ROR1: variants seen among roughly 807,000 people sequenced by gnomAD.
ROR1 encodes inactive tyrosine-protein kinase transmembrane receptor ROR1.
ROR1 carries 19 observed loss-of-function variants against 78.8 expected under a neutral mutation model. The observed-to-expected ratio is 0.24, with a 90% CI of 0.17 to 0.35. The LOEUF is 0.35. Ranked by LOEUF, ROR1 falls within the 10% of genes least tolerant of loss-of-function variation. The probability of loss-of-function intolerance (pLI) is 1.00; values close to 1 mark genes in which losing one functional copy is unlikely to be tolerated. For synonymous variants in ROR1, 386 were observed against 433.6 expected (o/e 0.89, Z 1.36); for missense variants, 917 against 1,177.8 (o/e 0.78, Z 3.24).
chr1:64,125,252 A>C lies in ROR1; in HGVS notation c.483-12117A>C, dbSNP rs144974385. Among the ~76,000 whole-genome samples, 711 of 152,336 alleles carry C rather than the reference A, an allele frequency of 4.7e-3. 7 individuals are homozygous for C. Among genetic ancestry groups the C allele is most frequent in the African/African-American group, 0.016 (648 of 41,578 alleles). On this transcript the variant is annotated intron_variant, in intron 4 of 8. Transcript: ENST00000371079. Reference sequence around the variant, plus strand: ...CACTGTTAAACTTTCGAACAATGACAAAGAAAAACATGGGGTAATTGCTTC... The same window carrying C: ...CACTGTTAAACTTTCGAACAATGACCAAGAAAAACATGGGGTAATTGCTTC...
intron 2 of ROR1, among the ~76,000 whole-genome samples, chr1:64,014,733 ACGC>A (rs1646504080): frequency 8.7e-5 from 2 of 23,004 alleles, no homozygotes; most frequent in African/African-American, 2.7e-4. Flanking sequence ...ATATACACAT[ACGC>A]ACACTATATA....
chr1:64,161,410 T>C (rs941111975), intron 8 of ROR1, among the ~76,000 whole-genome samples: 1 of 152,222 alleles, frequency 6.6e-6, no homozygotes, highest in South Asian at 2.1e-4. Flanking sequence ...CAACTGAGTG[T>C]GATCCCATTT....
At chr1:63,838,279 C>T (rs1251198564) in intron 1 of ROR1, among the ~76,000 whole-genome samples, 1 of 151,766 alleles carries the variant, frequency 6.6e-6, no homozygotes, top group East Asian at 1.9e-4. Context: ...ATCTGTAAAA[C>T]AGCCTCCTGA....
chr1:63,851,298 C>T (rs1278864657), intron 1 of ROR1, among the ~76,000 whole-genome samples: 2 of 152,120 alleles, frequency 1.3e-5, no homozygotes, highest in African/African-American at 2.4e-5. Flanking sequence ...TTTTAATGTC[C>T]ATAAAATGAG....
At chr1:64,087,437 G>A (rs922753121) in intron 4 of ROR1, among the ~76,000 whole-genome samples, 3 of 152,182 alleles carry the variant, frequency 2.0e-5, no homozygotes, top group African/African-American at 7.2e-5. Context: ...GCAGACCAAG[G>A]CCAGAGCATG....
intron 1 of ROR1, among the ~76,000 whole-genome samples, chr1:63,880,504 C>T (rs773355655): frequency 2.0e-5 from 3 of 152,170 alleles, no homozygotes; most frequent in African/African-American, 2.4e-5. Context: ...TATGCAAGTA[C>T]GTCCAAATCA....
chr1:63,920,916 T>A (rs192921757), intron 1 of ROR1, among the ~76,000 whole-genome samples: 27 of 152,318 alleles, frequency 1.8e-4, no homozygotes, highest in Admixed American at 1.7e-3. Context: ...TGTTGGACAC[T>A]TGTTGGGCAT....
intron 8 of ROR1, among the ~76,000 whole-genome samples, chr1:64,169,377 G>A (rs749359061): frequency 6.6e-6 from 1 of 152,158 alleles, no homozygotes; most frequent in Non-Finnish European, 1.5e-5. Flanking sequence ...TTATGTGGAT[G>A]GCAGCAGACA....
intron 1 of ROR1, among the ~76,000 whole-genome samples, chr1:63,805,929 A>C (rs1299639500): frequency 6.6e-6 from 1 of 152,214 alleles, no homozygotes; most frequent in Non-Finnish European, 1.5e-5. Flanking sequence ...TGAGGTGGGA[A>C]GACTGCTTGA....
intron 8 of ROR1, among the ~76,000 whole-genome samples, chr1:64,165,428 G>A (rs1438479642): frequency 6.6e-6 from 1 of 151,772 alleles, no homozygotes; most frequent in African/African-American, 2.4e-5. Flanking sequence ...TTATGGGGTT[G>A]TTTTTCTTTA....
intron 8 of ROR1, among the ~76,000 whole-genome samples, chr1:64,159,931 C>G (rs1234595342): frequency 1.3e-5 from 2 of 152,146 alleles, no homozygotes; most frequent in African/African-American, 4.8e-5. Context: ...AAATGGAGCC[C>G]CTGCACTGCA....
intron 1 of ROR1, among the ~76,000 whole-genome samples, chr1:63,900,453 C>CAAAA (rs371935993): frequency 5.4e-5 from 6 of 110,602 alleles, no homozygotes; most frequent in Admixed American, 2.1e-4. Flanking sequence ...GACTCCATCT[C>CAAAA]AAAAAAAAAA....
chr1:64,023,732 T>A (rs539665318), intron 2 of ROR1, among the ~76,000 whole-genome samples: 6 of 152,226 alleles, frequency 3.9e-5, no homozygotes, highest in African/African-American at 1.4e-4. Flanking sequence ...GTAAACAACA[T>A]TTGTCCCTTA....
intron 7 of ROR1, among the ~76,000 whole-genome samples, chr1:64,157,148 G>GT (rs887927560): frequency 3.4e-4 from 52 of 151,932 alleles, no homozygotes; most frequent in African/African-American, 1.1e-3. Context: ...GTTTTGTTTT[G>GT]TTTTTTTGAG....
chr1:63,987,613 C>T (rs913141269), intron 1 of ROR1, among the ~76,000 whole-genome samples: 6 of 152,156 alleles, frequency 3.9e-5, no homozygotes, highest in African/African-American at 1.4e-4. Flanking sequence ...TTTATCATTG[C>T]ATTGAAGCTG....
At chr1:63,861,869 A>G (rs557507738) in intron 1 of ROR1, among the ~76,000 whole-genome samples, 2 of 152,306 alleles carry the variant, frequency 1.3e-5, no homozygotes, top group East Asian at 3.9e-4. Context: ...CTGTGATAAT[A>G]TAGGACTTTA....
chr1:63,968,449 T>G (rs1383448823), intron 1 of ROR1, among the ~76,000 whole-genome samples: 2 of 148,464 alleles, frequency 1.3e-5, no homozygotes, highest in African/African-American at 5.2e-5. Context: ...TTTTATTCTC[T>G]TATTAACACT....
chr1:63,830,544 T>C (rs1026254807), intron 1 of ROR1, among the ~76,000 whole-genome samples: 1 of 151,986 alleles, frequency 6.6e-6, no homozygotes, highest in African/African-American at 2.4e-5. Flanking sequence ...AAACAACCAC[T>C]ATCGTGAGAA....
At chr1:64,152,297 T>A (rs1364217194) in intron 7 of ROR1, among the ~76,000 whole-genome samples, 1 of 152,194 alleles carries the variant, frequency 6.6e-6, no homozygotes, top group African/African-American at 2.4e-5. Context: ...TACATTTCCT[T>A]CCCCATTCTT....
Sources: allele counts gnomAD v4.1 joint callset (sites outside exome capture counted in the v4.1 genomes callset), GRCh38; gene constraint gnomAD v4.1.1; transcripts MANE v1.5; gene names NCBI Gene and HGNC (gene_info 2026-07-23, HGNC 2026-07-21).